Variants in EML3 observed in about 807,000 individuals in gnomAD.
EML3 encodes the protein echinoderm microtubule-associated protein-like 3.
EML3 carries 53 observed loss-of-function variants against 106.7 expected under a neutral mutation model. That is an observed-to-expected ratio of 0.50 (90% CI 0.40 to 0.62). The LOEUF (loss-of-function observed/expected upper bound fraction) is 0.62, where lower values mean the gene tolerates loss of function less well. Ranked by LOEUF, EML3 falls within the 20% of genes least tolerant of loss-of-function variation. EML3 has a pLI of 0.00. For synonymous variants in EML3, 499 were observed against 489.6 expected, an observed-to-expected ratio of 1.02 and a Z score of -0.25; for missense variants, 994 against 1,209.1, an observed-to-expected ratio of 0.82 and a Z score of 2.64.
Position 62,604,182 on chromosome 11 carries a change from C to CT in EML3, c.2001dup (p.Glu668ArgfsTer8). On this transcript the variant is annotated frameshift_variant, in exon 17 of 22. Coordinates refer to ENST00000394773, the MANE Select transcript of EML3 (RefSeq NM_153265.3). LOFTEE classifies it high-confidence loss of function. ...ACATCAGACACGATCTCTCTGGTCT[C>CT]TGTGTCCAAAACCAACCACCTGGAA... 6.2e-7 allele frequency: 1 copy of CT among 1,613,914 alleles called. No homozygotes were observed. Among genetic ancestry groups the CT allele is most frequent in the Non-Finnish European group, 8.5e-7 (1 of 1,179,978 alleles).
chr11:62,608,447 T>G, intron 9 of EML3, 95 bp downstream of exon 9: 1 of 1,424,110 alleles, frequency 7.0e-7, no homozygotes, highest in Non-Finnish European at 9.9e-7. Context: ...TGGGTGGGGT[T>G]CAGGAAGGCC....
chr11:62,609,503 C>T (rs1375129933), intron 5 of EML3, 26 bp from the exon 6 acceptor site: 1 of 1,545,082 alleles, frequency 6.5e-7, no homozygotes, highest in Non-Finnish European at 8.7e-7. Flanking sequence ...GTGGTGTCAA[C>T]TACCCCCTTC....
Position 62,610,990 on chromosome 11 carries a change from G to A in EML3, c.455C>T (p.Pro152Leu), listed in dbSNP as rs1443480823. ...PLQPPQRADT[P>L]RRNSSSSSSP... ...TGAGGAGGAGGAAGAATTTCTTCGC[G>A]GCCTGGTGGGGGCATAGTGAAGGTC... Residue 152 changes from proline (P) to leucine (L), a missense_variant and splice_region_variant, in exon 4 of 22, where the codon CCG (proline) becomes CTG (leucine). Pro to Leu is a moderately conservative substitution (Grantham distance 98). Around this residue, in one of 3 missense-constraint regions of EML3, gnomAD observed 269 missense variants for 265.1 expected, o/e 1.01. Transcript: ENST00000394773. The A allele has an allele frequency of 3.1e-6, 5 of 1,613,018 alleles. No homozygotes were observed. Among genetic ancestry groups the A allele is most frequent in the East Asian group, 2.2e-5 (1 of 44,868 alleles).
At chr11:62,607,889 A>G (rs1942615719) in intron 10 of EML3, 68 bp from the exon 11 acceptor site, 1 of 1,551,316 alleles carries the variant, frequency 6.4e-7, no homozygotes, top group Admixed American at 1.8e-5. Context: ...GACTCTCCTC[A>G]ATTTGCATCA....
chr11:62,607,555 A>G (rs1942597892), intron 11 of EML3, 111 bp downstream of exon 11: 8 of 1,257,776 alleles, frequency 6.4e-6, no homozygotes, highest in South Asian at 3.3e-5. Flanking sequence ...AAAAAAAAAA[A>G]GGTCACAGGG....
rs568432170 is a variant in EML3 at position 62,612,591 on chromosome 11, G to A, written c.-134C>T. 3.7e-4 allele frequency: 325 copies of A among 886,206 alleles called. No individual in the cohort carries two copies. In the African/African-American group the frequency reaches 5.1e-3, roughly 14 times the overall value. The allele number at this position is 886,206 out of a possible 1,614,324, so 54.9% of individuals were successfully genotyped here. A position where few individuals can be genotyped will look rare whatever the true frequency, so the allele number is the denominator to read the frequency against. On this transcript the variant is annotated 5_prime_UTR_variant, in exon 1 of 22. Coordinates refer to ENST00000394773, the MANE Select transcript of EML3 (RefSeq NM_153265.3). The stretch of plus-strand genomic sequence containing the variant: ...CGCCGTACCACCACCCCGAGGGGGC[G>A]CTGTCGGGCGCGGGGAAGGGGCCTG...
At chr11:62,603,594 T>C in intron 19 of EML3, 135 bp downstream of exon 19, 1 of 747,074 alleles carries the variant, frequency 1.3e-6, no homozygotes, top group Non-Finnish European at 2.2e-6. Context: ...AATCACGAAA[T>C]TTCTCCTACA....
rs1349509569 is a variant in EML3 at position 62,602,435 on chromosome 11, G to GGGCCACGCCGCCGGGCCAGTC, written c.*19_*39dup. 3.2e-6 allele frequency: 5 copies of GGGCCACGCCGCCGGGCCAGTC among 1,545,364 alleles called. No individual in the cohort carries two copies. The Admixed American group carries it at 7.9e-5, about 24-fold the overall frequency. On this transcript the variant is annotated 3_prime_UTR_variant, in exon 22 of 22. Coordinates refer to ENST00000394773, the MANE Select transcript of EML3 (RefSeq NM_153265.3). ...GGCCAGGGAAGGGCAGGGCGGGGCG[G>GGGCCACGCCGCCGGGCCAGTC]GGCCACGCCGCCGGGCCAGTCGGTC...
chr11:62,611,366 A>G, intron 2 of EML3, 22 bp from the exon 3 acceptor site: 1 of 1,613,396 alleles, frequency 6.2e-7, no homozygotes, highest in Non-Finnish European at 8.5e-7. Context: ...ATGTTGAATT[A>G]ACCTGAAGCC....
chr11:62,604,947 G>C (rs1481201378), intron 16 of EML3, 166 bp downstream of exon 16: 3 of 520,954 alleles, frequency 5.8e-6, no homozygotes, highest in African/African-American at 2.0e-5. Context: ...TACCACAGAA[G>C]AGGAGGGGAG....
chr11:62,610,462 C>A (rs915898707), intron 4 of EML3, among the ~76,000 whole-genome samples: 1 of 152,154 alleles, frequency 6.6e-6, no homozygotes, highest in Non-Finnish European at 1.5e-5. Flanking sequence ...TAGGGACAGC[C>A]GTCCATGAAA....
In EML3 at chr11:62,611,600, G is replaced by A. The variant is rs781545487; in HGVS notation, c.23-4C>T. Reference sequence around the variant, plus strand: ...GCCTCCCGAGCAGGGCCGTCACCTGGGAAAAGGGCAAGAGGTACTCAGAAT... The same window carrying A: ...GCCTCCCGAGCAGGGCCGTCACCTGAGAAAAGGGCAAGAGGTACTCAGAAT... On this transcript the variant is annotated splice_region_variant and splice_polypyrimidine_tract_variant and intron_variant, in intron 1 of 21. Coordinates refer to ENST00000394773, the MANE Select transcript of EML3 (RefSeq NM_153265.3). 1 of 1,611,862 alleles carries A rather than the reference G, an allele frequency of 6.2e-7. No individual in the cohort carries two copies. Among genetic ancestry groups the A allele is most frequent in the East Asian group, 2.2e-5 (1 of 44,878 alleles).
In EML3 at chr11:62,606,182, G is replaced by A. The variant is rs140559608; in HGVS notation, c.1537C>T (p.His513Tyr). 121 of 1,613,986 alleles carry A rather than the reference G, an allele frequency of 7.5e-5. No homozygotes were observed. Among genetic ancestry groups the A allele is most frequent in the Non-Finnish European group, 1.0e-4 (118 of 1,180,036 alleles). Residue 513 changes from histidine to tyrosine, a missense_variant, in exon 13 of 22, where the codon CAT becomes TAT. This residue lies in a region of EML3 where 713 missense variants were observed against 920.5 expected (regional missense o/e 0.77). Coordinates refer to ENST00000394773, the MANE Select transcript of EML3 (RefSeq NM_153265.3). ...CACAAGGCGAAGATAGAACCTTCATGAGCGTGAGCCTGGGCCACAATCCCA... is the reference window on the plus strand; with the variant it reads ...CACAAGGCGAAGATAGAACCTTCATAAGCGTGAGCCTGGGCCACAATCCCA... ...TYGIVAQAHA[H>Y]EGSIFALCLR... is the part of the protein sequence containing the mutation.
chr11:62,607,076 G>A lies in EML3; in HGVS notation c.1386C>T (p.Ile462=). 1 of 1,614,048 alleles carries A rather than the reference G, an allele frequency of 6.2e-7. No homozygotes were observed. Among genetic ancestry groups the A allele is most frequent in the South Asian group, 1.1e-5 (1 of 91,090 alleles). ...VFGKYKKPKF[I]PCFVFLPDGD... Reference sequence around the variant, plus strand: ...CATCCGGAAGGAACACAAAGCAAGGGATAAACTTGGGTTTCTTGTATTTCT... The same window carrying A: ...CATCCGGAAGGAACACAAAGCAAGGAATAAACTTGGGTTTCTTGTATTTCT... Residue 462 remains isoleucine, a synonymous_variant, in exon 12 of 22, where the codon ATC becomes ATT. Coordinates refer to ENST00000394773, the MANE Select transcript of EML3 (RefSeq NM_153265.3).
intron 4 of EML3, 22 bp downstream of exon 4, chr11:62,610,857 G>A (rs1264567201): frequency 2.5e-6 from 4 of 1,581,342 alleles, no homozygotes; most frequent in Non-Finnish European, 2.6e-6. Context: ...GGCGGGGTGG[G>A]TTGAGGGGAA....
At chr11:62,607,594 C>G (rs1942601759) in intron 11 of EML3, 72 bp downstream of exon 11, 1 of 1,528,832 alleles carries the variant, frequency 6.5e-7, no homozygotes. Flanking sequence ...ACCTCAGGGT[C>G]CATAGTACTC....
At position 62,611,517 on chromosome 11, in the gene EML3, C is replaced by CT; in HGVS notation, c.101dup (p.Ala35GlyfsTer83). On this transcript the variant is annotated frameshift_variant, in exon 2 of 22. Transcript: ENST00000394773. LOFTEE classifies it high-confidence loss of function. ...GGCGAAGGGCTTCTGCCAGGGCTGC[C>CT]TTTACCAGTTCCATCTCCTGCTCCT... The CT allele has an allele frequency of 6.2e-7, 1 of 1,613,814 alleles. No homozygotes were observed. Among genetic ancestry groups the CT allele is most frequent in the Non-Finnish European group, 8.5e-7 (1 of 1,179,974 alleles).
chr11:62,606,530 C>T (rs1463118112), intron 12 of EML3: 5 of 403,224 alleles, frequency 1.2e-5, no homozygotes, highest in Admixed American at 1.2e-4. Context: ...CTAGACTAGC[C>T]CCCAAGAGAA....
intron 2 of EML3, 38 bp downstream of exon 2, chr11:62,611,387 C>A (rs772265914): frequency 1.2e-6 from 2 of 1,613,542 alleles, no homozygotes; most frequent in Non-Finnish European, 8.5e-7. Context: ...CCAGAGGCCC[C>A]AAGGAGGAGG....
Sources: allele counts gnomAD v4.1 joint callset (sites outside exome capture counted in the v4.1 genomes callset), GRCh38; gene constraint gnomAD v4.1.1; regional missense constraint gnomAD v4.1.1; transcripts MANE v1.5; gene names NCBI Gene and HGNC (gene_info 2026-07-23, HGNC 2026-07-21).